The following CAMSAP2 variants were observed in gnomAD, a reference collection of about 807,000 sequenced individuals.
CAMSAP2 encodes the protein calmodulin regulated spectrin associated protein family member 2, also known as calmodulin-regulated spectrin-associated protein 2.
CAMSAP2 carries 26 observed loss-of-function variants against 146.1 expected under a neutral mutation model. The ratio of observed to expected loss-of-function variants is 0.18; its 90% CI spans 0.13 to 0.25. The LOEUF (loss-of-function observed/expected upper bound fraction) is 0.25. Ranked by LOEUF, CAMSAP2 falls within the 10% of genes least tolerant of loss-of-function variation. CAMSAP2 has a pLI of 1.00. For synonymous variants in CAMSAP2, 499 were observed against 596.6 expected (o/e 0.84, Z 2.38); for missense variants, 1,381 against 1,759.3 (o/e 0.78, Z 3.85).
chr1:200,835,160 T>G (rs1667153417), intron 6 of CAMSAP2, among the ~76,000 whole-genome samples: 1 of 152,142 alleles, frequency 6.6e-6, no homozygotes, highest in South Asian at 2.1e-4. Flanking sequence ...AGGATTTGTT[T>G]GCAGCTACTC....
chr1:200,822,602 C>T (rs115817849), intron 4 of CAMSAP2, among the ~76,000 whole-genome samples: 409 of 152,282 alleles, frequency 2.7e-3, no homozygotes, highest in Non-Finnish European at 5.1e-3. Context: ...AGATAATGTT[C>T]ATTTTGATCA....
At chr1:200,798,152 C>G (rs1045942904) in intron 2 of CAMSAP2, among the ~76,000 whole-genome samples, 42 of 138,942 alleles carry the variant, frequency 3.0e-4, no homozygotes, top group Non-Finnish European at 5.9e-4. Context: ...CTTGGCAATG[C>G]GGGCTCTTTT....
chr1:200,818,243 A>G (rs1424094278), intron 4 of CAMSAP2, among the ~76,000 whole-genome samples: 2 of 152,200 alleles, frequency 1.3e-5, no homozygotes, highest in African/African-American at 4.8e-5. Context: ...GGCCCAAGAA[A>G]CATTTTTTTA....
intron 6 of CAMSAP2, among the ~76,000 whole-genome samples, chr1:200,840,443 A>C (rs1183506876): frequency 6.6e-6 from 1 of 151,926 alleles, no homozygotes; most frequent in Non-Finnish European, 1.5e-5. Context: ...CTAATTTTTA[A>C]AATTTTTATA....
chr1:200,742,579 G>A, intron 1 of CAMSAP2, among the ~76,000 whole-genome samples: 1 of 152,028 alleles, frequency 6.6e-6, no homozygotes, highest in East Asian at 1.9e-4. Context: ...CACTTATGCA[G>A]GAAAGGTTAA....
intron 2 of CAMSAP2, among the ~76,000 whole-genome samples, chr1:200,786,758 G>A (rs938404850): frequency 6.6e-6 from 1 of 152,178 alleles, no homozygotes; most frequent in African/African-American, 2.4e-5. Flanking sequence ...TAGCTAGAGA[G>A]GAGAAGTCAG....
chr1:200,834,290 G>C (rs577174376), intron 6 of CAMSAP2, among the ~76,000 whole-genome samples: 2 of 151,950 alleles, frequency 1.3e-5, no homozygotes, highest in African/African-American at 2.4e-5. Flanking sequence ...TTGAACCTGG[G>C]AGGCAGAGGT....
At chr1:200,829,171 CA>C (rs1230116854) in intron 4 of CAMSAP2, among the ~76,000 whole-genome samples, 2 of 151,986 alleles carry the variant, frequency 1.3e-5, no homozygotes, top group East Asian at 3.9e-4. Context: ...AAAACAAAAA[CA>C]AAAATCTTAC....
At chr1:200,817,090 G>A (rs1428414764) in intron 4 of CAMSAP2, among the ~76,000 whole-genome samples, 187 of 139,260 alleles carry the variant, frequency 1.3e-3, no homozygotes, top group African/African-American at 4.5e-3. Flanking sequence ...ACACACACAC[G>A]TATATATGTA....
At chr1:200,797,598 A>C (rs1433806769) in intron 2 of CAMSAP2, among the ~76,000 whole-genome samples, 1 of 85,916 alleles carries the variant, frequency 1.2e-5, no homozygotes, top group African/African-American at 4.7e-5. Context: ...TAGGTTGTGA[A>C]AATTTTCTCC....
At chr1:200,773,259 T>G (rs547637572) in intron 2 of CAMSAP2, among the ~76,000 whole-genome samples, 32 of 152,218 alleles carry the variant, frequency 2.1e-4, no homozygotes. Context: ...TTTTATTTAT[T>G]TATTTATTTA....
chr1:200,747,894 G>A (rs1664382237), intron 1 of CAMSAP2, among the ~76,000 whole-genome samples: 1 of 151,666 alleles, frequency 6.6e-6, no homozygotes, highest in South Asian at 2.1e-4. Context: ...GGCTGAGGCA[G>A]GAGAATGGCG....
At chr1:200,821,178 C>CT (rs796304937) in intron 4 of CAMSAP2, among the ~76,000 whole-genome samples, 569 of 144,638 alleles carry the variant, frequency 3.9e-3, no homozygotes, top group South Asian at 0.019. Context: ...GCTTCTTCTT[C>CT]TTCTTTTTTT....
At position 200,857,491 on chromosome 1, in the gene CAMSAP2, G is replaced by A. The variant is rs537144235; in HGVS notation, c.4131+67G>A. 1,443 of 1,066,886 alleles carry A rather than the reference G, an allele frequency of 1.4e-3. 1 individual carries two copies. Among genetic ancestry groups the A allele is most frequent in the Non-Finnish European group, 1.8e-3 (1,272 of 688,328 alleles). The allele number at this position is 1,066,886 out of a possible 1,614,324, so 66.1% of individuals were successfully genotyped here. ...AAGTCTTTTATCCATTCAAGAGAAT[G>A]TACTCTCATGGGCCTAGACTTTCAA... On this transcript the variant is annotated intron_variant, in intron 16 of 16. Coordinates refer to ENST00000358823, the MANE Select transcript of CAMSAP2 (RefSeq NM_203459.4). The surrounding 1 kb of genome is among the most constrained non-coding windows in gnomAD (Gnocchi z 4.7).
At chr1:200,825,740 T>C (rs1023611477) in intron 4 of CAMSAP2, among the ~76,000 whole-genome samples, 9 of 152,008 alleles carry the variant, frequency 5.9e-5, no homozygotes, top group African/African-American at 2.2e-4. Context: ...CCTCCTGACC[T>C]CGTGATCTAC....
intron 11 of CAMSAP2, among the ~76,000 whole-genome samples, chr1:200,850,828 T>C (rs1299605760): frequency 1.3e-5 from 2 of 152,228 alleles, no homozygotes; most frequent in Admixed American, 1.3e-4. Flanking sequence ...ATACTGCTAC[T>C]AAAGGTGATA....
intron 2 of CAMSAP2, among the ~76,000 whole-genome samples, chr1:200,802,901 A>G (rs566029079): frequency 6.6e-6 from 1 of 152,352 alleles, no homozygotes; most frequent in South Asian, 2.1e-4. Context: ...TAACACAGAT[A>G]TAGAACCTAA....
intron 11 of CAMSAP2, among the ~76,000 whole-genome samples, chr1:200,851,916 G>A (rs1266543879): frequency 6.6e-6 from 1 of 152,202 alleles, no homozygotes; most frequent in Non-Finnish European, 1.5e-5. Flanking sequence ...CTGTCCCTAA[G>A]GATTCAGGTA....
chr1:200,746,711 C>T (rs1007013345), intron 1 of CAMSAP2, among the ~76,000 whole-genome samples: 9 of 151,730 alleles, frequency 5.9e-5, no homozygotes, highest in Non-Finnish European at 8.8e-5. Flanking sequence ...CTCCGCCTCC[C>T]GGGTTCTCGC....
Sources: gnomAD v4.1 joint callset for allele counts (sites outside exome capture counted in the v4.1 genomes callset) on GRCh38, gnomAD v4.1.1 for gene constraint, Gnocchi (gnomAD v3.1) non-coding constraint, MANE v1.5 for transcripts, NCBI Gene and HGNC (gene_info 2026-07-23, HGNC 2026-07-21) for gene names.